UNC80: variants seen among roughly 807,000 people sequenced by gnomAD.
The protein encoded by UNC80 is protein unc-80 homolog.
In UNC80, 164 loss-of-function variants were observed where a neutral mutation model predicts 384.6. That is an observed-to-expected ratio of 0.43 (90% CI 0.38 to 0.49). The LOEUF (loss-of-function observed/expected upper bound fraction) is 0.49, where lower values mean the gene tolerates loss of function less well. Among genes scored for constraint, UNC80 ranks in the 20% least tolerant of loss-of-function variants. The probability of loss-of-function intolerance (pLI) is 0.00; values close to 1 mark genes in which losing one functional copy is unlikely to be tolerated. For missense variants in UNC80, 3,330 were observed against 4,143.0 expected, an observed-to-expected ratio of 0.80 and a Z score of 5.39; for synonymous variants, 1,486 against 1,527.8, an observed-to-expected ratio of 0.97 and a Z score of 0.64.
At chr2:209,779,756 G>A (rs1338434440) in intron 4 of UNC80, among the ~76,000 whole-genome samples, 1 of 152,208 alleles carries the variant, frequency 6.6e-6, no homozygotes, top group East Asian at 1.9e-4. Flanking sequence ...TTAAAATGGA[G>A]AGGACAGGAA....
intron 3 of UNC80, among the ~76,000 whole-genome samples, chr2:209,776,522 A>T (rs1478474074): frequency 6.6e-6 from 1 of 152,266 alleles, no homozygotes; most frequent in Non-Finnish European, 1.5e-5. Context: ...CGGAGGTTAC[A>T]GTTAGCTGGG....
At chr2:209,826,729 C>T (rs1173311434) in intron 14 of UNC80, among the ~76,000 whole-genome samples, 1 of 152,060 alleles carries the variant, frequency 6.6e-6, no homozygotes, top group Non-Finnish European at 1.5e-5. Context: ...TCAATTTGAA[C>T]AATAACCTAC....
intron 11 of UNC80, among the ~76,000 whole-genome samples, chr2:209,818,790 A>G (rs1442793833): frequency 6.6e-6 from 1 of 152,198 alleles, no homozygotes; most frequent in Non-Finnish European, 1.5e-5. Context: ...ATTTTCTACA[A>G]TCTTTAATAT....
chr2:209,772,843 A>T (rs2076653823), intron 1 of UNC80, among the ~76,000 whole-genome samples: 1 of 152,188 alleles, frequency 6.6e-6, no homozygotes, highest in South Asian at 2.1e-4. Flanking sequence ...GCGATTTAAA[A>T]TCTTAGAAGT....
At position 209,918,115 on chromosome 2, in the gene UNC80, C is replaced by G. The variant is rs112576032; in HGVS notation, c.5211+157C>G. ...CCTAACATACATGAATGCATTCCTA[C>G]TGTTAAAAAATTAAAATATAGAAGA... On this transcript the variant is annotated intron_variant, in intron 32 of 64. Transcript: ENST00000673920. Among the ~76,000 whole-genome samples the G allele has an allele frequency of 1.9e-3, 289 of 152,226 alleles. 1 individual carries two copies. The highest frequency in any genetic ancestry group is 6.7e-3 in the African/African-American group (278 of 41,538).
At chr2:209,800,332 TA>T (rs1388299964) in intron 7 of UNC80, among the ~76,000 whole-genome samples, 14 of 152,196 alleles carry the variant, frequency 9.2e-5, no homozygotes. Context: ...CTAGATTTTC[TA>T]ATTTATTTGC....
chr2:209,938,834 G>A (rs1275056417), intron 42 of UNC80, among the ~76,000 whole-genome samples: 2 of 152,048 alleles, frequency 1.3e-5, no homozygotes, highest in Non-Finnish European at 2.9e-5. Flanking sequence ...AGACTTCTAA[G>A]TTCCTCAGGG....
intron 48 of UNC80, among the ~76,000 whole-genome samples, chr2:209,954,989 CA>C (rs1398645372): frequency 6.6e-6 from 1 of 151,952 alleles, no homozygotes; most frequent in Non-Finnish European, 1.5e-5. Flanking sequence ...CTGGATGAGA[CA>C]AAAAAATAAA....
At chr2:209,918,263 A>G (rs2089722610) in intron 32 of UNC80, among the ~76,000 whole-genome samples, 2 of 152,200 alleles carry the variant, frequency 1.3e-5, no homozygotes, top group African/African-American at 4.8e-5. Flanking sequence ...ACTTACAGGT[A>G]TGTTTTGGAG....
chr2:209,834,045 AG>A lies in UNC80; in HGVS notation c.2821del (p.Ala941LeufsTer21). ...DIRQLVQFIK[E>X]AHGNVFRRVA... is the part of the protein sequence containing the mutation. Reference sequence around the variant, plus strand: ...CGTCAGCTGGTCCAGTTTATCAAAGAGGCTCATGGGAATGTCTTCAGGAGAG... The same window carrying A: ...CGTCAGCTGGTCCAGTTTATCAAAGAGCTCATGGGAATGTCTTCAGGAGAG... On this transcript the variant is annotated frameshift_variant, in exon 17 of 65. Transcript: ENST00000673920. LOFTEE classifies it high-confidence loss of function. 6.4e-7 allele frequency: 1 copy of A among 1,551,788 alleles called. No homozygotes were observed. Among genetic ancestry groups the A allele is most frequent in the Non-Finnish European group, 8.7e-7 (1 of 1,146,990 alleles).
chr2:209,937,377 T>C (rs1270749330), intron 41 of UNC80, among the ~76,000 whole-genome samples, 152 bp from the exon 42 acceptor site: 1 of 152,208 alleles, frequency 6.6e-6, no homozygotes, highest in Admixed American at 6.5e-5. Flanking sequence ...CACTTTACAG[T>C]GATCTTCCAG....
rs2081602516 is a variant in UNC80 at position 209,839,760 on chromosome 2, A to C, written c.3250+330A>C. On this transcript the variant is annotated intron_variant, in intron 19 of 64. Transcript: ENST00000673920. This position sits in a 1 kb window ranked among gnomAD's most constrained non-coding sequence, Gnocchi z 4.1. Reference sequence around the variant, plus strand: ...CAACTAAGTGTAATTGCAAACTATGAATTTTATGAAGGAAATATACATAGT... The same window carrying C: ...CAACTAAGTGTAATTGCAAACTATGCATTTTATGAAGGAAATATACATAGT... Among the ~76,000 whole-genome samples the C allele has an allele frequency of 6.6e-6, 1 of 152,182 alleles. No homozygotes were observed. Among genetic ancestry groups the C allele is most frequent in the Admixed American group, 6.5e-5 (1 of 15,276 alleles).
At chr2:209,918,027 C>A in intron 32 of UNC80, 69 bp downstream of exon 32, 2 of 1,447,564 alleles carry the variant, frequency 1.4e-6, no homozygotes, top group South Asian at 2.6e-5. Context: ...AACCGTTGAA[C>A]CTCAAAGTCA....
At chr2:209,781,788 G>T (rs2077166191) in intron 4 of UNC80, among the ~76,000 whole-genome samples, 1 of 152,020 alleles carries the variant, frequency 6.6e-6, no homozygotes, top group South Asian at 2.1e-4. Context: ...TCAAATCCAG[G>T]CTCCTATCTT....
intron 7 of UNC80, chr2:209,809,061 G>A (rs914976416): frequency 3.1e-5 from 14 of 445,224 alleles, no homozygotes; most frequent in South Asian, 8.3e-5. Flanking sequence ...CCTCACTGTC[G>A]GATGAGGACA....
chr2:209,962,323 G>T (rs2092619299), intron 51 of UNC80, among the ~76,000 whole-genome samples: 1 of 152,216 alleles, frequency 6.6e-6, no homozygotes, highest in South Asian at 2.1e-4. Flanking sequence ...AGAGGCCACA[G>T]AGAGGAGGGC....
rs1269322215 is a variant in UNC80, at chr2:209,798,898, A to T, written c.938+5039A>T. On this transcript the variant is annotated intron_variant, in intron 7 of 64. Coordinates refer to ENST00000673920, the MANE Select transcript of UNC80 (RefSeq NM_001371986.1). The stretch of plus-strand genomic sequence containing the variant: ...ACAGGGTTTCACTGTGTTAGCCAGG[A>T]TGGTCTTGATCTCCTGACCTTGTGA... Among the ~76,000 whole-genome samples the T allele has an allele frequency of 6.4e-4, 91 of 143,126 alleles. 1 individual carries two copies. Among genetic ancestry groups the T allele is most frequent in the African/African-American group, 2.3e-3 (87 of 38,662 alleles). 93.9% of individuals were successfully genotyped at this position (143,126 alleles called of 152,430 possible).
chr2:209,824,001 C>T (rs139517862), intron 13 of UNC80, among the ~76,000 whole-genome samples: 1 of 152,126 alleles, frequency 6.6e-6, no homozygotes, highest in African/African-American at 2.4e-5. Flanking sequence ...AACTTTATTT[C>T]ATGCACAAAA....
At chr2:209,877,883 A>G in intron 23 of UNC80, 71 bp from the exon 24 acceptor site, 4 of 1,416,576 alleles carry the variant, frequency 2.8e-6, no homozygotes, top group South Asian at 1.6e-5. Flanking sequence ...CTTATGTCTG[A>G]TGTAATGTGA....
Sources: gnomAD v4.1 joint callset for allele counts (sites outside exome capture counted in the v4.1 genomes callset) on GRCh38, gnomAD v4.1.1 for gene constraint, Gnocchi (gnomAD v3.1) non-coding constraint, MANE v1.5 for transcripts, NCBI Gene and HGNC (gene_info 2026-07-23, HGNC 2026-07-21) for gene names.